Variants in AK3 observed in about 807,000 individuals in gnomAD.
AK3 encodes GTP:AMP phosphotransferase AK3, mitochondrial.
Under a neutral mutation model 23.7 loss-of-function variants are expected in AK3, and 27 were observed. The ratio of observed to expected loss-of-function variants is 1.14; its 90% confidence interval spans 0.84 to 1.57. The LOEUF (loss-of-function observed/expected upper bound fraction) is 1.57, where lower values mean the gene tolerates loss of function less well. Ranked by LOEUF, AK3 falls within the 40% of genes most tolerant of loss-of-function variation. AK3 has a pLI of 0.00. For missense variants in AK3, 406 were observed against 285.6 expected, an observed-to-expected ratio of 1.42 and a Z score of -3.04; for synonymous variants, 159 against 116.0, an observed-to-expected ratio of 1.37 and a Z score of -2.38.
intron 4 of AK3, among the ~76,000 whole-genome samples, chr9:4,716,239 T>G (rs927459006): frequency 7.9e-5 from 12 of 152,356 alleles, no homozygotes; most frequent in African/African-American, 2.9e-4. Flanking sequence ...TGATAAATAC[T>G]GTTTACCCAG....
chr9:4,720,539 A>T (rs1841867692), intron 2 of AK3, among the ~76,000 whole-genome samples: 1 of 151,712 alleles, frequency 6.6e-6, no homozygotes, highest in Admixed American at 6.6e-5. Context: ...ACGACAACAA[A>T]ATTAGCAGGG....
In AK3 at chr9:4,710,356, C is replaced by T. The variant is rs1484747271; in HGVS notation, c.*2620G>A. 6.1e-5 allele frequency: 9 copies of T among 147,838 alleles called. No homozygotes were observed. Among genetic ancestry groups the T allele is most frequent in the East Asian group, 5.8e-4 (3 of 5,138 alleles). 9.2% of individuals were successfully genotyped at this position (147,838 alleles called of 1,614,324 possible). A position where few individuals can be genotyped will look rare whatever the true frequency, so the allele number is the denominator to read the frequency against. On this transcript the variant is annotated 3_prime_UTR_variant, in exon 5 of 5. Coordinates refer to ENST00000381809, the MANE Select transcript of AK3 (RefSeq NM_016282.4). ...CCGAGTAGCTGGGACTACAGGCGCC[C>T]GCCACCATGCCCGGCTAATTTTTTT...
chr9:4,727,643 G>C (rs1176367058), intron 1 of AK3, among the ~76,000 whole-genome samples: 1 of 152,116 alleles, frequency 6.6e-6, no homozygotes, highest in Non-Finnish European at 1.5e-5. Context: ...CAACAACAAG[G>C]TTGTTTTGCT....
Position 4,712,336 on chromosome 9 carries a change from A to G in AK3, c.*640T>C, listed in dbSNP as rs1202420440. ...AGTCATCTTAAAGTAATATTTTTCTATATGCTAATTGATACATCTTTATAG... is the reference window on the plus strand; with the variant it reads ...AGTCATCTTAAAGTAATATTTTTCTGTATGCTAATTGATACATCTTTATAG... On this transcript the variant is annotated 3_prime_UTR_variant, in exon 5 of 5. Coordinates refer to ENST00000381809, the MANE Select transcript of AK3 (RefSeq NM_016282.4). 1 of 152,206 alleles carries G rather than the reference A, an allele frequency of 6.6e-6. No homozygotes were observed. The highest frequency in any genetic ancestry group is 2.4e-5 in the African/African-American group (1 of 41,460). 9.4% of individuals were successfully genotyped at this position (152,206 alleles called of 1,614,324 possible). A position where few individuals can be genotyped will look rare whatever the true frequency, so the allele number is the denominator to read the frequency against.
intron 1 of AK3, among the ~76,000 whole-genome samples, chr9:4,738,691 T>C (rs1842351909): frequency 6.6e-6 from 1 of 151,094 alleles, no homozygotes; most frequent in East Asian, 1.9e-4. Flanking sequence ...TTATGAGGGA[T>C]CTTAATTTAC....
intron 4 of AK3, among the ~76,000 whole-genome samples, chr9:4,715,370 T>C (rs1429343126): frequency 6.6e-6 from 1 of 151,158 alleles, no homozygotes; most frequent in Non-Finnish European, 1.5e-5. Flanking sequence ...TCTTCGCAGC[T>C]TTCCTTAACT....
chr9:4,729,683 C>A (rs139812508), intron 1 of AK3, among the ~76,000 whole-genome samples: 13 of 151,794 alleles, frequency 8.6e-5, no homozygotes, highest in African/African-American at 2.4e-4. Context: ...AAAAAAAATA[C>A]GGGCATGGTG....
chr9:4,719,214 T>C lies in AK3; in HGVS notation c.365A>G (p.Lys122Arg), dbSNP rs765980433. ...INLNVPFEVI[K>R]QRLTARWIHP... ...AATCCAGCGAGCAGTAAGGCGTTGT[T>C]TAATGACCTCAAAGGGCACATTCAG... The change falls in exon 3 of 5, where the codon AAA (lysine) becomes AGA (arginine). Residue 122 changes from lysine (K) to arginine (R), a missense_variant. Physicochemically the swap from Lys to Arg is conservative, Grantham distance 26. Transcript: ENST00000381809. 6.2e-7 allele frequency: 1 copy of C among 1,611,950 alleles called. No individual in the cohort carries two copies. Among genetic ancestry groups the C allele is most frequent in the East Asian group, 2.2e-5 (1 of 44,882 alleles).
intron 1 of AK3, among the ~76,000 whole-genome samples, chr9:4,737,662 T>TAA (rs1479876278): frequency 1.3e-5 from 2 of 152,132 alleles, no homozygotes; most frequent in Non-Finnish European, 2.9e-5. Context: ...GAGGTCGCAG[T>TAA]AAGCCGAGAT....
At chr9:4,731,510 A>G (rs1478446638) in intron 1 of AK3, among the ~76,000 whole-genome samples, 3 of 151,956 alleles carry the variant, frequency 2.0e-5, no homozygotes, top group East Asian at 3.8e-4. Flanking sequence ...TTCTATATCA[A>G]TAAGCATTTA....
rs1047223148 is a variant in AK3 at position 4,740,900 on chromosome 9, G to A, written c.151+37C>T. The A allele has an allele frequency of 1.4e-6, 2 of 1,474,652 alleles. 1 individual carries two copies. Among genetic ancestry groups the A allele is most frequent in the South Asian group, 2.7e-5 (2 of 74,864 alleles). 91.3% of individuals were successfully genotyped at this position (1,474,652 alleles called of 1,614,324 possible). On this transcript the variant is annotated intron_variant, in intron 1 of 4. Transcript: ENST00000381809. ...CTCGCCCGCGAAGTCCGACCCGGGTGACAGCGCACGGCCGGCCCTGGGCCC... is the reference window on the plus strand; with the variant it reads ...CTCGCCCGCGAAGTCCGACCCGGGTAACAGCGCACGGCCGGCCCTGGGCCC...
intron 1 of AK3, among the ~76,000 whole-genome samples, chr9:4,739,441 G>C (rs1403100623): frequency 6.6e-6 from 1 of 150,562 alleles, no homozygotes; most frequent in African/African-American, 2.5e-5. Flanking sequence ...TGATCCGCCC[G>C]CCTTGACCTC....
intron 4 of AK3, among the ~76,000 whole-genome samples, chr9:4,717,225 C>A (rs549547123): frequency 6.6e-6 from 1 of 152,096 alleles, no homozygotes; most frequent in Admixed American, 6.5e-5. Flanking sequence ...TACTGTTCTG[C>A]CCTGATCAGG....
At chr9:4,740,755 G>A (rs1350433478) in intron 1 of AK3, among the ~76,000 whole-genome samples, 182 bp downstream of exon 1, 1 of 152,172 alleles carries the variant, frequency 6.6e-6, no homozygotes, top group Non-Finnish European at 1.5e-5. Context: ...CGCCCGAAGC[G>A]GCCCACGGAG....
At chr9:4,728,866 T>TACACAC (rs57364192) in intron 1 of AK3, among the ~76,000 whole-genome samples, 3,523 of 87,078 alleles carry the variant, frequency 0.04, 86 homozygotes, top group African/African-American at 0.051. Flanking sequence ...TATATATATA[T>TACACAC]ACACACACAC....
chr9:4,715,201 A>T (rs1413466480), intron 4 of AK3, among the ~76,000 whole-genome samples: 1 of 129,292 alleles, frequency 7.7e-6, no homozygotes, highest in Non-Finnish European at 1.6e-5. Flanking sequence ...CCTGAGAGAG[A>T]GTGAGACTCC....
chr9:4,739,992 C>A (rs1337212120), intron 1 of AK3, among the ~76,000 whole-genome samples: 2 of 143,022 alleles, frequency 1.4e-5, no homozygotes, highest in Non-Finnish European at 3.0e-5. Flanking sequence ...AAGAATGGGA[C>A]TGAGGTAGGG....
intron 1 of AK3, among the ~76,000 whole-genome samples, chr9:4,729,015 A>ATATATATATATTTT (rs71326127): frequency 2.9e-3 from 381 of 129,408 alleles, no homozygotes; most frequent in East Asian, 0.013. Context: ...ATATATATAT[A>ATATATATATATTTT]TTTTTTTTTT....
At chr9:4,723,152 T>C (rs1285721464) in intron 1 of AK3, among the ~76,000 whole-genome samples, 3 of 152,198 alleles carry the variant, frequency 2.0e-5, no homozygotes, top group African/African-American at 7.2e-5. Context: ...AATGTAAATA[T>C]ATAGACAGAA....
Sources: gnomAD v4.1 joint callset for allele counts (sites outside exome capture counted in the v4.1 genomes callset) on GRCh38, gnomAD v4.1.1 for gene constraint, MANE v1.5 for transcripts, NCBI Gene and HGNC (gene_info 2026-07-23, HGNC 2026-07-21) for gene names.